GPT2: variants seen among roughly 807,000 people sequenced by gnomAD.
GPT2 encodes the protein alanine aminotransferase 2.
Under a neutral mutation model 56.9 loss-of-function variants are expected in GPT2, and 30 were observed. The ratio of observed to expected loss-of-function variants is 0.53; its 90% confidence interval spans 0.39 to 0.72. The LOEUF (loss-of-function observed/expected upper bound fraction) is 0.72, where lower values mean the gene tolerates loss of function less well. GPT2 is among the 30% of genes least tolerant of loss of function. The pLI is 0.00. For missense variants in GPT2, 542 were observed against 703.4 expected, an observed-to-expected ratio of 0.77 and a Z score of 2.60; for synonymous variants, 271 against 283.1, an observed-to-expected ratio of 0.96 and a Z score of 0.43.
chr16:46,897,642 G>T lies in GPT2; in HGVS notation c.244-6G>T, dbSNP rs767532488. The T allele has an allele frequency of 8.1e-6, 13 of 1,613,530 alleles. No homozygotes were observed. The African/African-American group carries it at 9.3e-5, about 12-fold the overall frequency. On this transcript the variant is annotated splice_region_variant and splice_polypyrimidine_tract_variant and intron_variant, in intron 2 of 11. Coordinates refer to ENST00000340124, the MANE Select transcript of GPT2 (RefSeq NM_133443.4). ...AGTAACCACCTGTTGCTTTCTCTCT[G>T]CCCAGGGTATCAAAAAGCCATTCAC...
rs144148781 is a variant in GPT2 at position 46,887,066 on chromosome 16, T to G, written c.243+2108T>G. On this transcript the variant is annotated intron_variant, in intron 2 of 11. Transcript: ENST00000340124. ...CCCCTTGCCAGCTTAAACAGTGCCC[T>G]TCTTGCGAGAGCCACATTTCCCCAG... 6.0e-4 allele frequency among the ~76,000 whole-genome samples: 92 copies of G among 152,326 alleles called. 1 individual carries two copies. In the East Asian group the frequency reaches 0.015, roughly 25 times the overall value.
intron 4 of GPT2, among the ~76,000 whole-genome samples, chr16:46,903,358 G>A (rs531037162): frequency 6.6e-6 from 1 of 151,924 alleles, no homozygotes; most frequent in East Asian, 1.9e-4. Context: ...ACCCAGGCTG[G>A]AGTGCAGTGG....
chr16:46,888,435 C>T (rs1215864557), intron 2 of GPT2, among the ~76,000 whole-genome samples: 1 of 152,068 alleles, frequency 6.6e-6, no homozygotes, highest in African/African-American at 2.4e-5. Context: ...CAACCTCCGC[C>T]TCCCGGGTTG....
chr16:46,891,641 G>A (rs964840860), intron 2 of GPT2, among the ~76,000 whole-genome samples: 8 of 152,102 alleles, frequency 5.3e-5, no homozygotes, highest in African/African-American at 9.6e-5. Flanking sequence ...GAGCCACCGC[G>A]CCCGGGCAGT....
intron 8 of GPT2, among the ~76,000 whole-genome samples, chr16:46,919,416 G>A (rs1404369514): frequency 6.6e-6 from 1 of 152,192 alleles, no homozygotes; most frequent in Non-Finnish European, 1.5e-5. Context: ...CTGAGGAGTT[G>A]GCTTCTGAGT....
At chr16:46,916,968 T>G (rs573803158) in intron 7 of GPT2, among the ~76,000 whole-genome samples, 1 of 152,196 alleles carries the variant, frequency 6.6e-6, no homozygotes, top group Non-Finnish European at 1.5e-5. Flanking sequence ...AAAGAAAAAA[T>G]GCCAGTGGGG....
rs1960437620 is a variant in GPT2, at chr16:46,884,392, G to A, written c.-98G>A. ...GGGCGCCGGGCGCGGGGATGCGGCT[G>A]TGGGCGCCGGGGCCGGGTAGCTGCT... is the stretch of plus-strand genomic sequence containing the variant. On this transcript the variant is annotated 5_prime_UTR_variant, in exon 1 of 12. In the 5' UTR this introduces an upstream ATG that the reference lacks. Transcript: ENST00000340124. 4.9e-6 allele frequency: 1 copy of A among 203,326 alleles called. No homozygotes were observed. The highest frequency in any genetic ancestry group is 9.8e-6 in the Non-Finnish European group (1 of 101,908). The allele number at this position is 203,326 out of a possible 1,614,324, so 12.6% of individuals were successfully genotyped here. A position where few individuals can be genotyped will look rare whatever the true frequency, so the allele number is the denominator to read the frequency against.
chr16:46,895,382 G>A (rs1053643065), intron 2 of GPT2, among the ~76,000 whole-genome samples: 5 of 151,968 alleles, frequency 3.3e-5, no homozygotes, highest in African/African-American at 1.2e-4. Flanking sequence ...AAAATTAGCC[G>A]GGTGTGGTGA....
chr16:46,925,108 T>C (rs1034049199), intron 10 of GPT2, among the ~76,000 whole-genome samples: 2 of 152,050 alleles, frequency 1.3e-5, no homozygotes, highest in Non-Finnish European at 2.9e-5. Context: ...GATGGGGTCT[T>C]ACTTTGTTGC....
chr16:46,885,715 G>T, intron 2 of GPT2: 1 of 188,910 alleles, frequency 5.3e-6, no homozygotes, highest in Non-Finnish European at 9.8e-6. Context: ...CAGCCAGGAA[G>T]GATTTCTGCC....
At chr16:46,885,205 C>G (rs531804204) in intron 2 of GPT2, 2 of 1,251,720 alleles carry the variant, frequency 1.6e-6, no homozygotes, top group African/African-American at 3.1e-5. Flanking sequence ...TTGAGCGGGC[C>G]GTGCTGCCAG....
chr16:46,910,597 ATAATTAT>A (rs1961031355), intron 6 of GPT2, among the ~76,000 whole-genome samples: 1 of 151,826 alleles, frequency 6.6e-6, no homozygotes, highest in Non-Finnish European at 1.5e-5. Context: ...AGTTTGAATA[ATAATTAT>A]TATTTTATAG....
At position 46,918,604 on chromosome 16, in the gene GPT2, C is replaced by T; in HGVS notation, c.901-17C>T. ...TTTGAGGACCCTTTGGTGACCGTCC[C>T]TGCCGTGCCCCCGCAGGTGTACCAG... On this transcript the variant is annotated splice_polypyrimidine_tract_variant and intron_variant, in intron 7 of 11. Transcript: ENST00000340124. 1.2e-6 allele frequency: 2 copies of T among 1,613,612 alleles called. No homozygotes were observed. Among genetic ancestry groups the T allele is most frequent in the Non-Finnish European group, 1.7e-6 (2 of 1,179,664 alleles).
In GPT2 at chr16:46,923,761, T is replaced by A. The variant is rs560008924; in HGVS notation, c.1213-628T>A. 257 of 169,360 alleles carry A rather than the reference T, an allele frequency of 1.5e-3. 1 individual carries two copies. Among genetic ancestry groups the A allele is most frequent in the Non-Finnish European group, 2.8e-3 (215 of 77,736 alleles). The allele number at this position is 169,360 out of a possible 1,614,324, so 10.5% of individuals were successfully genotyped here. A position where few individuals can be genotyped will look rare whatever the true frequency, so the allele number is the denominator to read the frequency against. ...TGCTCTGCCTGGGTCCTGTGCTGCA[T>A]GCACACCACACAGACAGAGGGTGGG... On this transcript the variant is annotated intron_variant, in intron 9 of 11. Coordinates refer to ENST00000340124, the MANE Select transcript of GPT2 (RefSeq NM_133443.4).
At chr16:46,897,592 G>A (rs1960706699) in intron 2 of GPT2, 56 bp from the exon 3 acceptor site, 3 of 1,537,794 alleles carry the variant, frequency 2.0e-6, no homozygotes, top group Non-Finnish European at 1.8e-6. Flanking sequence ...CCTGGCCTCT[G>A]GAATCCAGGG....
chr16:46,889,093 C>T (rs140826464), intron 2 of GPT2, among the ~76,000 whole-genome samples: 2 of 152,020 alleles, frequency 1.3e-5, no homozygotes, highest in Admixed American at 6.5e-5. Context: ...GTGGCGCAAT[C>T]TCAGCTCACT....
intron 6 of GPT2, 103 bp from the exon 7 acceptor site, chr16:46,916,525 C>A: frequency 1.2e-6 from 1 of 868,258 alleles, no homozygotes. Flanking sequence ...CTATGGGTCT[C>A]AAGGGAACAC....
intron 3 of GPT2, among the ~76,000 whole-genome samples, chr16:46,899,263 G>A (rs1960770592): frequency 6.6e-6 from 1 of 151,842 alleles, no homozygotes; most frequent in South Asian, 2.1e-4. Context: ...CGAATTCCTG[G>A]ACCCAAGTAA....
chr16:46,884,638 T>G, intron 1 of GPT2, 56 bp from the exon 2 acceptor site: 1 of 1,325,498 alleles, frequency 7.5e-7, no homozygotes, highest in Non-Finnish European at 9.7e-7. Context: ...TGTGGGGGAG[T>G]GCTGCACGCC....
Sources: gnomAD v4.1 joint callset for allele counts (sites outside exome capture counted in the v4.1 genomes callset) on GRCh38, gnomAD v4.1.1 for gene constraint, MANE v1.5 for transcripts, NCBI Gene and HGNC (gene_info 2026-07-23, HGNC 2026-07-21) for gene names.